The following CDKAL1 variants were observed in gnomAD, a reference collection of about 807,000 sequenced individuals.
CDKAL1 encodes the protein threonylcarbamoyladenosine tRNA methylthiotransferase.
A neutral mutation model predicts 68.2 loss-of-function variants in CDKAL1; 32 were observed. That is an observed-to-expected ratio of 0.47 (90% CI 0.35 to 0.63). CDKAL1 has a LOEUF of 0.63. Among genes scored for constraint, CDKAL1 ranks in the 30% least tolerant of loss-of-function variants. The pLI, the probability that CDKAL1 is intolerant of heterozygous loss-of-function variation, is 0.00. For missense variants in CDKAL1, 606 were observed against 696.7 expected (o/e 0.87, Z 1.47); for synonymous variants, 234 against 244.3 (o/e 0.96, Z 0.39).
At chr6:20,889,124 A>T (rs1019177220) in intron 9 of CDKAL1, among the ~76,000 whole-genome samples, 1 of 152,170 alleles carries the variant, frequency 6.6e-6, no homozygotes, top group African/African-American at 2.4e-5. Flanking sequence ...ATGGCCAGTG[A>T]TGATGAGCAT....
chr6:20,945,744 A>G (rs1281079630), intron 9 of CDKAL1, among the ~76,000 whole-genome samples: 1 of 152,172 alleles, frequency 6.6e-6, no homozygotes, highest in Non-Finnish European at 1.5e-5. Context: ...GACAAGCACC[A>G]CTTTCTTTCC....
chr6:20,678,635 C>A (rs1473557971), intron 5 of CDKAL1, among the ~76,000 whole-genome samples: 1 of 152,120 alleles, frequency 6.6e-6, no homozygotes, highest in Non-Finnish European at 1.5e-5. Context: ...TTTCTTTATA[C>A]TACAGTTGTT....
chr6:20,575,715 T>G (rs1313758241), intron 4 of CDKAL1, among the ~76,000 whole-genome samples: 1 of 152,198 alleles, frequency 6.6e-6, no homozygotes, highest in Non-Finnish European at 1.5e-5. Context: ...CACTTGACAT[T>G]GCAATATTTT....
At chr6:20,801,742 T>C (rs1776373200) in intron 8 of CDKAL1, among the ~76,000 whole-genome samples, 3 of 152,228 alleles carry the variant, frequency 2.0e-5, no homozygotes, top group African/African-American at 7.2e-5. Flanking sequence ...AATTTCGCAA[T>C]GGAAATATAG....
At chr6:21,085,408 T>C (rs191035077) in intron 12 of CDKAL1, among the ~76,000 whole-genome samples, 147 of 152,256 alleles carry the variant, frequency 9.7e-4, no homozygotes, top group Middle Eastern at 3.4e-3. Context: ...TCAAGAGGCA[T>C]GTAATCCAGA....
intron 4 of CDKAL1, among the ~76,000 whole-genome samples, chr6:20,587,457 G>T (rs1227203146): frequency 6.6e-6 from 1 of 152,152 alleles, no homozygotes; most frequent in African/African-American, 2.4e-5. Context: ...TGTGGGCTGG[G>T]CATGGTGGCT....
chr6:21,117,449 G>A (rs1477242918), intron 13 of CDKAL1, among the ~76,000 whole-genome samples: 1 of 148,192 alleles, frequency 6.7e-6, no homozygotes, highest in Non-Finnish European at 1.5e-5. Context: ...ACCACCTTGG[G>A]CAACATGGCA....
At position 21,156,382 on chromosome 6, in the gene CDKAL1, C is replaced by CCACT. The variant is rs1776642711; in HGVS notation, c.1300-41638_1300-41635dup. ...GAAGTTGCAGTGAGCCGAGATCGTGCCACTGTACTCCAGCTTGGGTGACAG... is the reference window on the plus strand; with the variant it reads ...GAAGTTGCAGTGAGCCGAGATCGTGCCACTCACTGTACTCCAGCTTGGGTGACAG... On this transcript the variant is annotated intron_variant, in intron 13 of 15. Coordinates refer to ENST00000274695, the MANE Select transcript of CDKAL1 (RefSeq NM_017774.3). Among the ~76,000 whole-genome samples the CCACT allele has an allele frequency of 4.7e-5, 7 of 147,610 alleles. No homozygotes were observed. In the Admixed American group the frequency reaches 4.7e-4, roughly 10 times the overall value.
chr6:20,746,088 G>A (rs565434384), intron 6 of CDKAL1, among the ~76,000 whole-genome samples: 11 of 152,026 alleles, frequency 7.2e-5, no homozygotes, highest in Non-Finnish European at 1.2e-4. Flanking sequence ...ACCCCTCCCC[G>A]CTACAGAAAG....
chr6:20,975,791 T>C (rs1246078965), intron 10 of CDKAL1, among the ~76,000 whole-genome samples: 2 of 152,222 alleles, frequency 1.3e-5, no homozygotes, highest in Non-Finnish European at 2.9e-5. Context: ...CCAAAATATC[T>C]AAGAGAATTT....
chr6:21,067,651 G>A (rs2150936610), intron 12 of CDKAL1, among the ~76,000 whole-genome samples: 1 of 152,234 alleles, frequency 6.6e-6, no homozygotes, highest in East Asian at 1.9e-4. Context: ...AGCAAATACA[G>A]CTGACAGGGT....
intron 11 of CDKAL1, among the ~76,000 whole-genome samples, chr6:21,006,569 C>T (rs1354405164): frequency 2.0e-5 from 3 of 152,292 alleles, no homozygotes; most frequent in Middle Eastern, 3.4e-3. Context: ...CCCTTCTCTC[C>T]ATTGCTACTT....
chr6:20,978,508 G>A (rs569355178), intron 10 of CDKAL1, among the ~76,000 whole-genome samples: 13 of 152,224 alleles, frequency 8.5e-5, no homozygotes, highest in African/African-American at 1.7e-4. Flanking sequence ...GACTAATAAC[G>A]CAAAATACTA....
chr6:21,162,376 CTTTAAAA>C (rs926011765), intron 13 of CDKAL1, among the ~76,000 whole-genome samples: 1 of 152,148 alleles, frequency 6.6e-6, no homozygotes, highest in African/African-American at 2.4e-5. Flanking sequence ...AAAAGCAATA[CTTTAAAA>C]TTTAAGAAAC....
chr6:20,788,117 A>T (rs945639102), intron 8 of CDKAL1, among the ~76,000 whole-genome samples: 1 of 152,238 alleles, frequency 6.6e-6, no homozygotes, highest in African/African-American at 2.4e-5. Flanking sequence ...TATTATTTAC[A>T]TGCTAATTAG....
intron 4 of CDKAL1, among the ~76,000 whole-genome samples, chr6:20,635,645 A>G (rs1458885829): frequency 6.6e-6 from 1 of 152,202 alleles, no homozygotes. Context: ...GTTTTGGATT[A>G]GGGATACTCA....
intron 13 of CDKAL1, among the ~76,000 whole-genome samples, chr6:21,172,331 C>G (rs988947979): frequency 6.6e-6 from 1 of 152,162 alleles, no homozygotes; most frequent in African/African-American, 2.4e-5. Flanking sequence ...TTCCACGCCC[C>G]GTGGTCAGGG....
intron 6 of CDKAL1, among the ~76,000 whole-genome samples, chr6:20,758,253 A>G (rs1774312215): frequency 1.3e-5 from 2 of 152,050 alleles, no homozygotes; most frequent in African/African-American, 4.8e-5. Context: ...TTTTTTCCTG[A>G]AGCTCTGTGT....
chr6:20,648,113 T>C (rs955702425), intron 4 of CDKAL1, among the ~76,000 whole-genome samples: 6 of 149,100 alleles, frequency 4.0e-5, no homozygotes, highest in African/African-American at 1.5e-4. Context: ...ATGTTTATAA[T>C]AAAATACTGG....
Sources: allele counts gnomAD v4.1 joint callset (sites outside exome capture counted in the v4.1 genomes callset), GRCh38; gene constraint gnomAD v4.1.1; transcripts MANE v1.5; gene names NCBI Gene and HGNC (gene_info 2026-07-23, HGNC 2026-07-21).